GABRB2: variants seen among roughly 807,000 people sequenced by gnomAD.
GABRB2 encodes the protein gamma-aminobutyric acid type A receptor subunit beta2.
Under a neutral mutation model 54.7 loss-of-function variants are expected in GABRB2, and 16 were observed. The ratio of observed to expected loss-of-function variants is 0.29; its 90% CI spans 0.20 to 0.44. GABRB2 has a LOEUF of 0.44. Ranked by LOEUF, GABRB2 falls within the 20% of genes least tolerant of loss-of-function variation. The pLI is 1.00. For synonymous variants in GABRB2, 244 were observed against 233.8 expected, an observed-to-expected ratio of 1.04 and a Z score of -0.40; for missense variants, 355 against 644.0, an observed-to-expected ratio of 0.55 and a Z score of 4.86.
intron 3 of GABRB2, among the ~76,000 whole-genome samples, chr5:161,526,839 G>A (rs887584851): frequency 4.0e-5 from 6 of 151,442 alleles, no homozygotes; most frequent in African/African-American, 7.2e-5. Flanking sequence ...CCTACATGGA[G>A]AAAACTAAAA....
intron 3 of GABRB2, among the ~76,000 whole-genome samples, chr5:161,498,200 T>C (rs1398902699): frequency 6.6e-6 from 1 of 152,132 alleles, no homozygotes; most frequent in Non-Finnish European, 1.5e-5. Context: ...GACATGGATG[T>C]CTTAAAATAA....
chr5:161,343,526 T>C (rs887143533), intron 5 of GABRB2, among the ~76,000 whole-genome samples: 13 of 152,208 alleles, frequency 8.5e-5, no homozygotes, highest in African/African-American at 3.1e-4. Context: ...TGTCTTTGTA[T>C]GGGAGCAAGG....
intron 4 of GABRB2, among the ~76,000 whole-genome samples, chr5:161,415,737 C>T (rs901191764): frequency 6.7e-6 from 1 of 149,474 alleles, no homozygotes; most frequent in Non-Finnish European, 1.5e-5. Context: ...CTCAGCCTCC[C>T]TAGTAGCTGG....
chr5:161,492,769 G>A (rs1036119543), intron 3 of GABRB2, among the ~76,000 whole-genome samples: 3 of 151,638 alleles, frequency 2.0e-5, no homozygotes, highest in Admixed American at 6.6e-5. Flanking sequence ...TGAGTCAAAC[G>A]GGATCGTCCT....
intron 5 of GABRB2, among the ~76,000 whole-genome samples, chr5:161,361,617 T>C (rs1561622224): frequency 1.3e-5 from 2 of 152,226 alleles, no homozygotes; most frequent in African/African-American, 2.4e-5. Flanking sequence ...ATTTGAGTTT[T>C]CTTGCCTGTT....
At chr5:161,512,203 C>G (rs1759794187) in intron 3 of GABRB2, among the ~76,000 whole-genome samples, 1 of 151,890 alleles carries the variant, frequency 6.6e-6, no homozygotes, top group Non-Finnish European at 1.5e-5. Context: ...TATCAAACTA[C>G]AAAAGTCATT....
intron 3 of GABRB2, among the ~76,000 whole-genome samples, chr5:161,539,529 G>A (rs770973672): frequency 1.3e-5 from 2 of 152,192 alleles, no homozygotes; most frequent in Non-Finnish European, 2.9e-5. Flanking sequence ...AGAGAAACAT[G>A]GAACTTTGAG....
intron 3 of GABRB2, among the ~76,000 whole-genome samples, chr5:161,485,795 A>G (rs1581025824): frequency 6.6e-6 from 1 of 151,832 alleles, no homozygotes; most frequent in Admixed American, 6.6e-5. Context: ...TGCAACTCCT[A>G]TTGTAGCAAT....
At chr5:161,333,178 A>G (rs1753902659) in intron 7 of GABRB2, among the ~76,000 whole-genome samples, 1 of 152,224 alleles carries the variant, frequency 6.6e-6, no homozygotes, top group South Asian at 2.1e-4. Context: ...CGATACAAAA[A>G]AGACATGTTT....
intron 5 of GABRB2, among the ~76,000 whole-genome samples, chr5:161,348,949 A>T (rs1017044519): frequency 6.6e-6 from 1 of 152,070 alleles, no homozygotes; most frequent in Non-Finnish European, 1.5e-5. Context: ...CAGACTATCA[A>T]CCTACTGAAA....
chr5:161,532,680 T>C lies in GABRB2; in HGVS notation c.237+12547A>G, dbSNP rs1202818666. Reference sequence around the variant, plus strand: ...CACTTCCCCCATAGGGCAATTAAGATGATTCTTTCTAGATTCCAGAGAGAG... The same window carrying C: ...CACTTCCCCCATAGGGCAATTAAGACGATTCTTTCTAGATTCCAGAGAGAG... On this transcript the variant is annotated intron_variant, in intron 3 of 9. Transcript: ENST00000393959. 2.0e-5 allele frequency among the ~76,000 whole-genome samples: 3 copies of C among 152,164 alleles called. No individual in the cohort carries two copies. In the East Asian group the frequency reaches 5.8e-4, roughly 29 times the overall value.
chr5:161,338,412 T>C (rs1191716380), intron 5 of GABRB2, among the ~76,000 whole-genome samples: 1 of 152,180 alleles, frequency 6.6e-6, no homozygotes, highest in Non-Finnish European at 1.5e-5. Flanking sequence ...TGATTATACG[T>C]CAGCAATATT....
chr5:161,336,389 G>A (rs963629682), intron 6 of GABRB2, among the ~76,000 whole-genome samples: 3 of 152,062 alleles, frequency 2.0e-5, no homozygotes, highest in African/African-American at 4.8e-5. Context: ...CTAAAAATTA[G>A]TCGCTTCTCT....
intron 4 of GABRB2, among the ~76,000 whole-genome samples, chr5:161,455,036 A>T (rs1344071036): frequency 6.6e-6 from 1 of 152,202 alleles, no homozygotes; most frequent in Non-Finnish European, 1.5e-5. Context: ...TCTATAAAAA[A>T]AGGGTCCATA....
At chr5:161,506,722 T>G (rs774528016) in intron 3 of GABRB2, among the ~76,000 whole-genome samples, 1 of 152,066 alleles carries the variant, frequency 6.6e-6, no homozygotes, top group Non-Finnish European at 1.5e-5. Context: ...GTAATCAAGG[T>G]AGTGGTGCTG....
chr5:161,492,563 T>TG (rs1759114927), intron 3 of GABRB2, among the ~76,000 whole-genome samples: 1 of 102,520 alleles, frequency 9.8e-6, no homozygotes, highest in Admixed American at 1.1e-4. Context: ...TTTGTTGTAA[T>TG]TTGTGTGTGT....
chr5:161,323,791 G>C (rs1225156822), intron 9 of GABRB2, among the ~76,000 whole-genome samples: 4 of 152,100 alleles, frequency 2.6e-5, no homozygotes, highest in Non-Finnish European at 4.4e-5. Flanking sequence ...CGTATACACT[G>C]TGTGTATGTG....
At position 161,291,656 on chromosome 5, in the gene GABRB2, C is replaced by T. The variant is rs1383752063; in HGVS notation, c.*2425G>A. On this transcript the variant is annotated 3_prime_UTR_variant, in exon 10 of 10. Coordinates refer to ENST00000393959, the MANE Select transcript of GABRB2 (RefSeq NM_001371727.1). The stretch of plus-strand genomic sequence containing the variant: ...TGAGGCTCAAGCTGCAAAGATGCTT[C>T]TCTACACTTTGATCTGGATTGTTCT... The T allele has an allele frequency of 6.6e-6, 1 of 152,580 alleles. No individual in the cohort carries two copies. Among genetic ancestry groups the T allele is most frequent in the Non-Finnish European group, 1.5e-5 (1 of 68,026 alleles). 9.5% of individuals were successfully genotyped at this position (152,580 alleles called of 1,614,324 possible).
chr5:161,353,415 C>T (rs1017022090), intron 5 of GABRB2, among the ~76,000 whole-genome samples: 2 of 152,018 alleles, frequency 1.3e-5, no homozygotes, highest in Non-Finnish European at 2.9e-5. Context: ...ATGGGGAAGC[C>T]CCTTCCTTCC....
Sources: gnomAD v4.1 joint callset for allele counts (sites outside exome capture counted in the v4.1 genomes callset) on GRCh38, gnomAD v4.1.1 for gene constraint, MANE v1.5 for transcripts, NCBI Gene and HGNC (gene_info 2026-07-23, HGNC 2026-07-21) for gene names.